Variants in FREM2 observed in about 807,000 individuals in gnomAD.
The protein encoded by FREM2 is FRAS1-related extracellular matrix protein 2.
Under a neutral mutation model 219.9 loss-of-function variants are expected in FREM2, and 119 were observed. The observed-to-expected ratio is 0.54, with a 90% CI of 0.47 to 0.63. The LOEUF is 0.63. Among genes scored for constraint, FREM2 ranks in the 30% least tolerant of loss-of-function variants. The probability of loss-of-function intolerance (pLI) is 0.00; values close to 1 mark genes in which losing one functional copy is unlikely to be tolerated. For missense variants in FREM2, 4,030 were observed against 3,993.6 expected (o/e 1.01, Z -0.25); for synonymous variants, 1,562 against 1,522.8 (o/e 1.03, Z -0.60).
At chr13:38,797,066 T>TG (rs1260160498) in intron 6 of FREM2, among the ~76,000 whole-genome samples, 2 of 151,928 alleles carry the variant, frequency 1.3e-5, no homozygotes, top group Non-Finnish European at 2.9e-5. Flanking sequence ...TTTGTAGAGA[T>TG]GGGGTCTCTC....
At chr13:38,812,121 CT>C (rs1340287943) in intron 6 of FREM2, among the ~76,000 whole-genome samples, 1 of 152,080 alleles carries the variant, frequency 6.6e-6, no homozygotes, top group Non-Finnish European at 1.5e-5. Flanking sequence ...TACTCCTGCT[CT>C]TTTTTGGTTT....
intron 6 of FREM2, among the ~76,000 whole-genome samples, chr13:38,837,628 T>C: frequency 6.6e-6 from 1 of 152,208 alleles, no homozygotes; most frequent in East Asian, 1.9e-4. Context: ...TGCTCCTGTA[T>C]TGAGTGCATA....
At position 38,760,475 on chromosome 13, in the gene FREM2, G is replaced by A. The variant is rs1016147149; in HGVS notation, c.5264-3829G>A. Reference sequence around the variant, plus strand: ...TCTAAAACCATCCACAAAGGAAGTGGAAGGGTTAAATAGCCCTTTAGTCAT... The same window carrying A: ...TCTAAAACCATCCACAAAGGAAGTGAAAGGGTTAAATAGCCCTTTAGTCAT... On this transcript the variant is annotated intron_variant, in intron 2 of 23. Transcript: ENST00000280481. 5.9e-5 allele frequency among the ~76,000 whole-genome samples: 9 copies of A among 152,286 alleles called. No individual in the cohort carries two copies. The East Asian group carries it at 1.7e-3, about 29-fold the overall frequency.
intron 2 of FREM2, among the ~76,000 whole-genome samples, chr13:38,727,452 C>T (rs1428921055): frequency 6.6e-6 from 1 of 152,102 alleles, no homozygotes; most frequent in African/African-American, 2.4e-5. Context: ...GCACTCCAGC[C>T]TGGATGAGAG....
rs1306803312 is a variant in FREM2, at chr13:38,783,086, T to A, written c.5658T>A (p.Ile1886=). 6.2e-7 allele frequency: 1 copy of A among 1,613,760 alleles called. No individual in the cohort carries two copies. Among genetic ancestry groups the A allele is most frequent in the Non-Finnish European group, 8.5e-7 (1 of 1,179,912 alleles). ...VDPGDEPTVF[I]PQSKYSVEED... ...TCTCTCTAGAGCCAACTGTGTTTATTCCCCAGTCCAAATACTCCGTTGAAG... is the reference window on the plus strand; with the variant it reads ...TCTCTCTAGAGCCAACTGTGTTTATACCCCAGTCCAAATACTCCGTTGAAG... The change falls in exon 5 of 24, where the codon ATT becomes ATA. Residue 1886 remains isoleucine (I), a synonymous_variant. Coordinates refer to ENST00000280481, the MANE Select transcript of FREM2 (RefSeq NM_207361.6).
intron 2 of FREM2, among the ~76,000 whole-genome samples, chr13:38,708,676 A>T (rs1870637418): frequency 1.3e-5 from 2 of 152,182 alleles, no homozygotes; most frequent in East Asian, 1.9e-4. Context: ...AATAATCTTT[A>T]AAAAAAGTCT....
At chr13:38,734,025 A>C (rs1475039876) in intron 2 of FREM2, among the ~76,000 whole-genome samples, 1 of 152,214 alleles carries the variant, frequency 6.6e-6, no homozygotes, top group African/African-American at 2.4e-5. Flanking sequence ...AGGTGGTATA[A>C]GTTAATGAAA....
In FREM2 at chr13:38,762,030, T is replaced by C. The variant is rs185381703; in HGVS notation, c.5264-2274T>C. ...AGGCAGACGAATAGTAGTCCAGCAG[T>C]GGGCATGCAGGGTGGGCTTGGGCAT... On this transcript the variant is annotated intron_variant, in intron 2 of 23. Transcript: ENST00000280481. Among the ~76,000 whole-genome samples, 4 of 152,220 alleles carry C rather than the reference T, an allele frequency of 2.6e-5. No homozygotes were observed. In the East Asian group the frequency reaches 7.7e-4, roughly 29 times the overall value.
chr13:38,741,916 C>CT (rs1302703730), intron 2 of FREM2, among the ~76,000 whole-genome samples: 1 of 152,090 alleles, frequency 6.6e-6, no homozygotes, highest in South Asian at 2.1e-4. Context: ...TTTCTATGTA[C>CT]TTTTTTGTTG....
intron 17 of FREM2, among the ~76,000 whole-genome samples, chr13:38,873,704 A>AT (rs1444981737): frequency 2.6e-5 from 4 of 152,226 alleles, no homozygotes; most frequent in Admixed American, 2.6e-4. Flanking sequence ...CCATAGTGTC[A>AT]TGCCAGTACT....
At chr13:38,790,102 A>T (rs2137837548) in intron 6 of FREM2, among the ~76,000 whole-genome samples, 1 of 152,248 alleles carries the variant, frequency 6.6e-6, no homozygotes, top group Non-Finnish European at 1.5e-5. Flanking sequence ...TCCAGTGCCA[A>T]ATAATGTGAA....
At chr13:38,858,550 C>A (rs1877643975) in intron 13 of FREM2, among the ~76,000 whole-genome samples, 1 of 152,140 alleles carries the variant, frequency 6.6e-6, no homozygotes, top group African/African-American at 2.4e-5. Flanking sequence ...TAAGAAATAG[C>A]AAATTATCAC....
rs150292162 is a variant in FREM2, at chr13:38,689,044, C to T, written c.1700C>T (p.Thr567Met). Residue 567 changes from threonine (T) to methionine (M), a missense_variant, in exon 1 of 24, where the codon ACG becomes ATG. Physicochemically the swap from Thr to Met is moderately conservative, Grantham distance 81 (BLOSUM62 -1). Around this residue, in one of 2 missense-constraint regions of FREM2, gnomAD observed 3,102 missense variants for 2,950.7 expected, o/e 1.05. Transcript: ENST00000280481. ...DDQPPVLNAN[T>M]GLTLAEGETV... ...CAGCCACCTGTTCTCAATGCCAACA[C>T]GGGGCTGACACTGGCAGAGGGTGAA... 79 of 1,613,714 alleles carry T rather than the reference C, an allele frequency of 4.9e-5. 1 individual carries two copies. The highest frequency in any genetic ancestry group is 4.3e-5 in the Non-Finnish European group (51 of 1,179,770).
At chr13:38,737,142 C>T (rs1420671557) in intron 2 of FREM2, among the ~76,000 whole-genome samples, 1 of 152,160 alleles carries the variant, frequency 6.6e-6, no homozygotes, top group African/African-American at 2.4e-5. Context: ...GTCCTGTCTT[C>T]CCTTTGGGGA....
At chr13:38,730,484 G>C (rs923120779) in intron 2 of FREM2, among the ~76,000 whole-genome samples, 6 of 152,196 alleles carry the variant, frequency 3.9e-5, no homozygotes, top group Non-Finnish European at 7.3e-5. Context: ...AGCTTTCGCT[G>C]TTCTATCAGT....
At chr13:38,858,223 G>T (rs1176650454) in intron 13 of FREM2, among the ~76,000 whole-genome samples, 190 bp downstream of exon 13, 1 of 152,016 alleles carries the variant, frequency 6.6e-6, no homozygotes, top group Non-Finnish European at 1.5e-5. Context: ...CCGAACAAAG[G>T]TTCATTAACT....
chr13:38,873,974 A>C (rs1344732803), intron 17 of FREM2, among the ~76,000 whole-genome samples: 1 of 152,216 alleles, frequency 6.6e-6, no homozygotes, highest in Non-Finnish European at 1.5e-5. Flanking sequence ...AATCTTAATG[A>C]GGATTTTTCT....
chr13:38,857,343 T>C (rs1448941610), intron 12 of FREM2, among the ~76,000 whole-genome samples: 1 of 152,122 alleles, frequency 6.6e-6, no homozygotes, highest in Admixed American at 6.5e-5. Flanking sequence ...ATTCCTCTTC[T>C]GTCTGGAACT....
rs200898675 is a variant in FREM2, at chr13:38,688,170, A to G, written c.826A>G (p.Asn276Asp). The change falls in exon 1 of 24, where the codon AAC becomes GAC. Residue 276 changes from asparagine (N) to aspartate (D), a missense_variant. Physicochemically the swap from Asn to Asp is conservative, Grantham distance 23. Around this residue, in one of 2 missense-constraint regions of FREM2, gnomAD observed 3,102 missense variants for 2,950.7 expected, o/e 1.05. Transcript: ENST00000280481. ...YRHTAASRSP[N>D]RDWIPMVVEL... ...CCACACAGCCGCCAGTCGCTCACCAAACAGGGACTGGATACCCATGGTGGT... is the reference window on the plus strand; with the variant it reads ...CCACACAGCCGCCAGTCGCTCACCAGACAGGGACTGGATACCCATGGTGGT... The G allele has an allele frequency of 1.1e-4, 183 of 1,613,580 alleles. 1 individual carries two copies. The highest frequency in any genetic ancestry group is 3.4e-5 in the Non-Finnish European group (40 of 1,179,844).
Sources: allele counts gnomAD v4.1 joint callset (sites outside exome capture counted in the v4.1 genomes callset), GRCh38; gene constraint gnomAD v4.1.1; regional missense constraint gnomAD v4.1.1; transcripts MANE v1.5; gene names NCBI Gene and HGNC (gene_info 2026-07-23, HGNC 2026-07-21).